PPP2R3A: variants seen among roughly 807,000 people sequenced by gnomAD.
PPP2R3A encodes protein phosphatase 2 regulatory subunit B''alpha, also known as serine/threonine-protein phosphatase 2A regulatory subunit B'' subunit alpha.
In PPP2R3A, 80 loss-of-function variants were observed where a neutral mutation model predicts 106.9. The observed-to-expected ratio is 0.75, with a 90% confidence interval of 0.62 to 0.90. The LOEUF is 0.90. Ranked by LOEUF, PPP2R3A falls within the 40% of genes least tolerant of loss-of-function variation. PPP2R3A has a pLI of 0.00. For missense variants in PPP2R3A, 1,386 were observed against 1,350.4 expected (o/e 1.03, Z -0.41); for synonymous variants, 483 against 468.3 (o/e 1.03, Z -0.41).
At chr3:136,141,284 G>C (rs1288653308) in intron 13 of PPP2R3A, among the ~76,000 whole-genome samples, 3 of 152,202 alleles carry the variant, frequency 2.0e-5, no homozygotes, top group Non-Finnish European at 4.4e-5. Context: ...CCTAGGCAGG[G>C]AGTAAAATAT....
rs141467727 is a variant in PPP2R3A at position 136,052,362 on chromosome 3, A to G, written c.2469+3001A>G. ...TGCTCTCTGCCTCGGCACAGTAACT[A>G]TGTCTCTCTACAATACAGCTTCTGC... On this transcript the variant is annotated intron_variant, in intron 5 of 13. Coordinates refer to ENST00000264977, the MANE Select transcript of PPP2R3A (RefSeq NM_002718.5). 3.8e-3 allele frequency among the ~76,000 whole-genome samples: 574 copies of G among 152,158 alleles called. 4 individuals carry two copies. Among genetic ancestry groups the G allele is most frequent in the African/African-American group, 0.013 (540 of 41,516 alleles).
intron 5 of PPP2R3A, chr3:136,055,715 G>C (rs987486093): frequency 8.6e-5 from 64 of 743,490 alleles, no homozygotes; most frequent in Non-Finnish European, 1.1e-4. Context: ...GAGCAACTTA[G>C]AGAAATACCA....
intron 13 of PPP2R3A, among the ~76,000 whole-genome samples, chr3:136,109,949 G>A (rs916025413): frequency 5.3e-5 from 8 of 151,896 alleles, no homozygotes; most frequent in Admixed American, 2.0e-4. Flanking sequence ...AAGAAGACCA[G>A]AAGAAGATGT....
rs552841508 is a variant in PPP2R3A, at chr3:136,131,621, T to TAGAA, written c.3330-13421_3330-13418dup. Among the ~76,000 whole-genome samples, 59 of 152,342 alleles carry TAGAA rather than the reference T, an allele frequency of 3.9e-4. 1 individual carries two copies. The South Asian group carries it at 7.9e-3, about 20-fold the overall frequency. On this transcript the variant is annotated intron_variant, in intron 13 of 13. Transcript: ENST00000264977. ...ACGGTGTGGCGATTCCTCAACGATC[T>TAGAA]AGAACTAGAATTACCATTTGACCCA... is the stretch of plus-strand genomic sequence containing the variant.
intron 3 of PPP2R3A, among the ~76,000 whole-genome samples, chr3:136,031,377 T>C (rs1219659970): frequency 6.6e-6 from 1 of 152,220 alleles, no homozygotes; most frequent in Non-Finnish European, 1.5e-5. Context: ...CTTGTTGATA[T>C]GAGTTCATTG....
At chr3:136,018,481 G>C (rs116467070) in intron 2 of PPP2R3A, among the ~76,000 whole-genome samples, 2 of 152,112 alleles carry the variant, frequency 1.3e-5, no homozygotes, top group African/African-American at 4.8e-5. Context: ...TATTGTCTTC[G>C]TTTTCAAAGG....
chr3:136,071,251 A>AC (rs1477132823), intron 6 of PPP2R3A, among the ~76,000 whole-genome samples: 1 of 152,234 alleles, frequency 6.6e-6, no homozygotes, highest in Non-Finnish European at 1.5e-5. Flanking sequence ...CCTCAGCTAA[A>AC]CAGGGCCGTC....
intron 5 of PPP2R3A, chr3:136,055,774 A>G: frequency 1.6e-6 from 1 of 620,842 alleles, no homozygotes; most frequent in South Asian, 2.2e-5. Context: ...AATTTTTTAA[A>G]AACAAATTGC....
intron 10 of PPP2R3A, among the ~76,000 whole-genome samples, chr3:136,097,417 G>C (rs1007490709): frequency 3.9e-5 from 6 of 152,096 alleles, no homozygotes; most frequent in African/African-American, 1.4e-4. Context: ...ATATCTGTTT[G>C]ATCTACCACA....
At chr3:136,028,515 G>A (rs981909791) in intron 3 of PPP2R3A, among the ~76,000 whole-genome samples, 15 of 152,156 alleles carry the variant, frequency 9.9e-5, no homozygotes, top group African/African-American at 2.4e-4. Context: ...AGTTCATGCC[G>A]GGAGACAAGT....
chr3:136,008,018 T>C (rs1225210111), intron 2 of PPP2R3A, among the ~76,000 whole-genome samples: 2 of 152,246 alleles, frequency 1.3e-5, no homozygotes, highest in African/African-American at 4.8e-5. Context: ...CTTCCTATGT[T>C]AATGATCTAA....
At chr3:136,139,563 T>C (rs564843973) in intron 13 of PPP2R3A, among the ~76,000 whole-genome samples, 3 of 151,930 alleles carry the variant, frequency 2.0e-5, no homozygotes, top group South Asian at 4.2e-4. Context: ...CATGGTGTTA[T>C]GTGCCTGTAA....
At chr3:135,984,807 G>C (rs1937584186) in intron 1 of PPP2R3A, among the ~76,000 whole-genome samples, 1 of 152,168 alleles carries the variant, frequency 6.6e-6, no homozygotes. Context: ...ACAAAAGAAA[G>C]AGGTTTTATT....
In PPP2R3A at chr3:136,002,064, A is replaced by C. The variant is rs374526606; in HGVS notation, c.566A>C (p.His189Pro). The change falls in exon 2 of 14, where the codon CAT (histidine) becomes CCT (proline). Residue 189 changes from histidine (H) to proline (P), a missense_variant. Transcript: ENST00000264977. ...TCAGTTGAGGAAAAACCTTTGTCTC[A>C]TAGAAACTCACTGGATACGAACCTG... is the stretch of plus-strand genomic sequence containing the variant. ...SSSVEEKPLSHRNSLDTNLTS... is the reference protein window; with the variant it reads ...SSSVEEKPLSPRNSLDTNLTS... 1.2e-6 allele frequency: 2 copies of C among 1,614,062 alleles called. No homozygotes were observed. Among genetic ancestry groups the C allele is most frequent in the Non-Finnish European group, 1.7e-6 (2 of 1,179,994 alleles).
At chr3:136,100,158 A>G (rs1419358121) in intron 10 of PPP2R3A, among the ~76,000 whole-genome samples, 2 of 152,162 alleles carry the variant, frequency 1.3e-5, no homozygotes, top group East Asian at 3.8e-4. Flanking sequence ...ATAGATACCA[A>G]TAAAGCTTTA....
At chr3:136,104,480 A>AT (rs1937464753) in intron 12 of PPP2R3A, among the ~76,000 whole-genome samples, 1 of 151,856 alleles carries the variant, frequency 6.6e-6, no homozygotes, top group Non-Finnish European at 1.5e-5. Context: ...CTAATTTTGT[A>AT]TTTTTTGTAC....
intron 1 of PPP2R3A, among the ~76,000 whole-genome samples, chr3:135,977,844 TG>T (rs2107754828): frequency 6.6e-6 from 1 of 151,926 alleles, no homozygotes; most frequent in Non-Finnish European, 1.5e-5. Context: ...TGACTATAGG[TG>T]TGAGCCACCA....
intron 2 of PPP2R3A, among the ~76,000 whole-genome samples, chr3:136,009,461 G>C (rs1024678833): frequency 6.6e-6 from 1 of 152,070 alleles, no homozygotes; most frequent in Non-Finnish European, 1.5e-5. Context: ...GCCACTGTTC[G>C]AGTGTTTGAT....
intron 12 of PPP2R3A, among the ~76,000 whole-genome samples, chr3:136,103,892 A>G (rs773971350): frequency 1.3e-5 from 2 of 152,184 alleles, no homozygotes; most frequent in Non-Finnish European, 2.9e-5. Flanking sequence ...TGCATTCTAC[A>G]TCTGAATAAA....
Sources: gnomAD v4.1 joint callset for allele counts (sites outside exome capture counted in the v4.1 genomes callset) on GRCh38, gnomAD v4.1.1 for gene constraint, MANE v1.5 for transcripts, NCBI Gene and HGNC (gene_info 2026-07-23, HGNC 2026-07-21) for gene names.